The following ABCC6 variants were observed in gnomAD, a reference collection of about 807,000 sequenced individuals.
ABCC6 encodes the protein ATP binding cassette subfamily C member 6, also known as ATP-binding cassette sub-family C member 6.
Under a neutral mutation model 169.5 loss-of-function variants are expected in ABCC6, and 126 were observed. The ratio of observed to expected loss-of-function variants is 0.74; its 90% CI spans 0.64 to 0.86. The LOEUF (loss-of-function observed/expected upper bound fraction) is 0.86, where lower values mean the gene tolerates loss of function less well. Ranked by LOEUF, ABCC6 falls within the 40% of genes least tolerant of loss-of-function variation. The pLI, the probability that ABCC6 is intolerant of heterozygous loss-of-function variation, is 0.00. For synonymous variants in ABCC6, 752 were observed against 814.7 expected (o/e 0.92, Z 1.31); for missense variants, 1,733 against 1,927.2 (o/e 0.90, Z 1.89).
chr16:16,174,593 C>T (rs1412792857), intron 20 of ABCC6, among the ~76,000 whole-genome samples: 2 of 151,976 alleles, frequency 1.3e-5, no homozygotes, highest in African/African-American at 4.8e-5. Context: ...CCTGTCTCTA[C>T]TAAAAATACA....
chr16:16,214,744 A>G (rs577604779), intron 4 of ABCC6, among the ~76,000 whole-genome samples: 34 of 152,166 alleles, frequency 2.2e-4, no homozygotes, highest in Middle Eastern at 6.8e-3. Flanking sequence ...AGTTGGGATT[A>G]CAGGTGCCCA....
At chr16:16,150,320 G>A (rs1318479681) in intron 30 of ABCC6, 79 bp from the exon 31 acceptor site, 2 of 1,598,432 alleles carry the variant, frequency 1.3e-6, no homozygotes, top group Non-Finnish European at 1.7e-6. Context: ...CAGTGTGTCT[G>A]CGCTGAGGTT....
At position 16,177,584 on chromosome 16, in the gene ABCC6, C is replaced by G. The variant is rs72653797; in HGVS notation, c.2458G>C (p.Ala820Pro). ...VTHALHILPQ[A>P]DWIIVLANGA... ...TTTGCCAGCACTATGATCCAATCAG[C>G]CTGGGGCAGGATGTGGAGTGCGTGC... The change falls in exon 19 of 31, where the codon GCT (alanine) becomes CCT (proline). Residue 820 changes from alanine (A) to proline (P), a missense_variant. Ala to Pro is a conservative substitution (Grantham distance 27). Around this residue, in one of 5 missense-constraint regions of ABCC6, gnomAD observed 1,601 missense variants for 1,635.5 expected, o/e 0.98. Coordinates refer to ENST00000205557, the MANE Select transcript of ABCC6 (RefSeq NM_001171.6). 3.7e-6 allele frequency: 6 copies of G among 1,614,084 alleles called. No homozygotes were observed. Among genetic ancestry groups the G allele is most frequent in the Non-Finnish European group, 5.1e-6 (6 of 1,180,042 alleles).
At chr16:16,188,102 C>G (rs1393646155) in intron 13 of ABCC6, among the ~76,000 whole-genome samples, 1 of 151,150 alleles carries the variant, frequency 6.6e-6, no homozygotes, top group Admixed American at 6.6e-5. Flanking sequence ...ATAAATAAGA[C>G]TGGGTGCAGT....
intron 17 of ABCC6, among the ~76,000 whole-genome samples, chr16:16,179,707 C>T (rs1459788734): frequency 6.6e-6 from 1 of 152,188 alleles, no homozygotes; most frequent in African/African-American, 2.4e-5. Flanking sequence ...TCTCCTGCCT[C>T]AGCCTCCTGA....
intron 9 of ABCC6, among the ~76,000 whole-genome samples, chr16:16,198,662 G>A (rs866718214): frequency 4.0e-5 from 6 of 151,144 alleles, no homozygotes; most frequent in Admixed American, 6.6e-5. Context: ...CAGCCCGCGC[G>A]ACATAGTAAG....
intron 2 of ABCC6, 32 bp downstream of exon 2, chr16:16,221,617 C>T: frequency 6.2e-7 from 1 of 1,612,254 alleles, no homozygotes; most frequent in Non-Finnish European, 8.5e-7. Context: ...CCGAACATTG[C>T]CTGGTTCCAG....
At chr16:16,204,059 T>C (rs1337399389) in intron 7 of ABCC6, among the ~76,000 whole-genome samples, 2 of 150,802 alleles carry the variant, frequency 1.3e-5, no homozygotes, top group Admixed American at 6.6e-5. Context: ...TTTTTTCTTT[T>C]CCTTTTTTTT....
intron 17 of ABCC6, among the ~76,000 whole-genome samples, chr16:16,181,462 T>G: frequency 6.7e-6 from 1 of 149,966 alleles, no homozygotes; most frequent in African/African-American, 2.5e-5. Context: ...TCTGTGAAGG[T>G]GATAGAAGTG....
In ABCC6 at chr16:16,165,833, G is replaced by T; in HGVS notation, c.3096C>A (p.Pro1032=). Residue 1032 remains proline (P), a synonymous_variant, in exon 23 of 31, where the codon CCC becomes CCA. Coordinates refer to ENST00000205557, the MANE Select transcript of ABCC6 (RefSeq NM_001171.6). ...QRLLWDVVRS[P]ISFFERTPIG... ...TGGGTGTCCGCTCAAAGAAGCTGATGGGAGATCGCACCACATCCCACAGGA... is the reference window on the plus strand; with the variant it reads ...TGGGTGTCCGCTCAAAGAAGCTGATTGGAGATCGCACCACATCCCACAGGA... 1 of 1,613,480 alleles carries T rather than the reference G, an allele frequency of 6.2e-7. No homozygotes were observed.
At position 16,188,902 on chromosome 16, in the gene ABCC6, T is replaced by G. The variant is rs369358409; in HGVS notation, c.1708A>C (p.Thr570Pro). 1.2e-6 allele frequency: 2 copies of G among 1,613,706 alleles called. No individual in the cohort carries two copies. Among genetic ancestry groups the G allele is most frequent in the Non-Finnish European group, 1.7e-6 (2 of 1,179,890 alleles). The change falls in exon 13 of 31, where the codon ACT (threonine) becomes CCT (proline). Residue 570 changes from threonine to proline, a missense_variant. By Grantham distance (38) the Thr-to-Pro change is conservative. Around this residue, in one of 5 missense-constraint regions of ABCC6, gnomAD observed 1,601 missense variants for 1,635.5 expected, o/e 0.98. Coordinates refer to ENST00000205557, the MANE Select transcript of ABCC6 (RefSeq NM_001171.6). ...NAMNAEKAFV[T>P]LTVLNILNKA... ...TTGAGGATGTTGAGAACTGTGAGAG[T>G]CACAAAGGCTTTCTCTGCATTCATA...
intron 9 of ABCC6, among the ~76,000 whole-genome samples, chr16:16,201,335 T>C (rs905905628): frequency 1.3e-5 from 2 of 152,230 alleles, no homozygotes; most frequent in African/African-American, 4.8e-5. Context: ...ATCAGAAGGT[T>C]AATCCTTTAT....
At position 16,184,964 on chromosome 16, in the gene ABCC6, G is replaced by A. The variant is rs578241312; in HGVS notation, c.1938C>T (p.Leu646=). 11 of 1,613,090 alleles carry A rather than the reference G, an allele frequency of 6.8e-6. 1 individual carries two copies. The South Asian group carries it at 8.8e-5, about 13-fold the overall frequency. ...CTACGGGTGTCGTTCTGTACCTGTG[G>A]AGGCAGGGAGGGCTTTCCTGGGACC... ...FAWSQESPPC[L]HRINLTVPQG... The change falls in exon 15 of 31, where the codon CTC becomes CTT. Residue 646 remains leucine, a synonymous_variant. Coordinates refer to ENST00000205557, the MANE Select transcript of ABCC6 (RefSeq NM_001171.6).
intron 10 of ABCC6, among the ~76,000 whole-genome samples, chr16:16,193,957 T>C (rs2047951262): frequency 6.6e-6 from 1 of 152,236 alleles, no homozygotes; most frequent in Non-Finnish European, 1.5e-5. Flanking sequence ...AGATGCCTGC[T>C]GAAGGTGGGG....
intron 19 of ABCC6, 47 bp downstream of exon 19, chr16:16,177,405 G>C (rs754750229): frequency 1.2e-6 from 2 of 1,610,550 alleles, no homozygotes; most frequent in Admixed American, 3.3e-5. Flanking sequence ...TTTCCCCCAA[G>C]GGTGGCAGGA....
At chr16:16,222,836 A>G (rs1347740519) in intron 1 of ABCC6, among the ~76,000 whole-genome samples, 1 of 152,118 alleles carries the variant, frequency 6.6e-6, no homozygotes, top group Non-Finnish European at 1.5e-5. Context: ...ACCTCTCTGT[A>G]TCTCAGTTTC....
intron 13 of ABCC6, 40 bp from the exon 14 acceptor site, chr16:16,187,251 C>T (rs753937625): frequency 6.4e-7 from 1 of 1,561,644 alleles, no homozygotes; most frequent in Non-Finnish European, 8.8e-7. Flanking sequence ...GCAAGAAGAG[C>T]AAAGAACTCA....
chr16:16,198,489 G>T (rs1358051294), intron 9 of ABCC6, among the ~76,000 whole-genome samples: 1 of 152,148 alleles, frequency 6.6e-6, no homozygotes. Flanking sequence ...TAAATGAACA[G>T]CCTTATCCTT....
chr16:16,179,458 C>T (rs1197073227), intron 17 of ABCC6, among the ~76,000 whole-genome samples: 4 of 152,182 alleles, frequency 2.6e-5, no homozygotes, highest in African/African-American at 7.2e-5. Context: ...GCCTTTTTGG[C>T]ACCAGGGACC....
Sources: allele counts gnomAD v4.1 joint callset (sites outside exome capture counted in the v4.1 genomes callset), GRCh38; gene constraint gnomAD v4.1.1; regional missense constraint gnomAD v4.1.1; transcripts MANE v1.5; gene names NCBI Gene and HGNC (gene_info 2026-07-23, HGNC 2026-07-21).